Variants in MAP3K14 observed in about 807,000 individuals in gnomAD.
MAP3K14 encodes mitogen-activated protein kinase kinase kinase 14, also known as NF-kappa-beta-inducing kinase.
Under a neutral mutation model 99.2 loss-of-function variants are expected in MAP3K14, and 16 were observed. The observed-to-expected ratio is 0.16, with a 90% CI of 0.11 to 0.24. The LOEUF is 0.24. Ranked by LOEUF, MAP3K14 falls within the 10% of genes least tolerant of loss-of-function variation. The pLI is 1.00. For missense variants in MAP3K14, 784 were observed against 1,208.7 expected (o/e 0.65, Z 5.21); for synonymous variants, 462 against 492.4 (o/e 0.94, Z 0.82).
intron 3 of MAP3K14, among the ~76,000 whole-genome samples, chr17:45,288,635 G>T (rs1464477235): frequency 6.6e-6 from 1 of 152,108 alleles, no homozygotes; most frequent in Non-Finnish European, 1.5e-5. Context: ...CTCGGCCTCA[G>T]AAAGTGCTGG....
chr17:45,267,172 G>A lies in MAP3K14; in HGVS notation c.2353C>T (p.Pro785Ser). The change falls in exon 13 of 16, where the codon CCA becomes TCA. Residue 785 changes from proline to serine, a missense_variant. Transcript: ENST00000344686. This position sits in a 1 kb window ranked among gnomAD's most constrained non-coding sequence, Gnocchi z 5.1. ...TGCTCCTGCTCCTCCAGAGAAAATG[G>A]CTGGGACAGGCTGTTGAGGAATAAT... is the stretch of plus-strand genomic sequence containing the variant. ...IELFLNSLSQPFSLEEQEQIL... is the reference protein window; with the variant it reads ...IELFLNSLSQSFSLEEQEQIL... 6.3e-7 allele frequency: 1 copy of A among 1,598,620 alleles called. No homozygotes were observed. Among genetic ancestry groups the A allele is most frequent in the Non-Finnish European group, 8.5e-7 (1 of 1,172,476 alleles).
intron 1 of MAP3K14, among the ~76,000 whole-genome samples, chr17:45,299,097 A>G (rs1236339529): frequency 5.3e-5 from 8 of 152,214 alleles, no homozygotes; most frequent in Non-Finnish European, 8.8e-5. Flanking sequence ...GTCCCAGGAG[A>G]GGAGGCTGCA....
Position 45,274,522 on chromosome 17 carries a change from A to C in MAP3K14, c.1362T>G (p.Pro454=). The stretch of plus-strand genomic sequence containing the variant: ...GCCCTTCTCTCACAGCTCCATACAA[A>C]GGGACAATTCTGGGTGAGGTCAATC... ...CAGLTSPRIV[P]LYGAVREGPW... is the part of the protein sequence containing the mutation. Residue 454 remains proline (P), a synonymous_variant, in exon 7 of 16, where the codon CCT becomes CCG. Coordinates refer to ENST00000344686, the MANE Select transcript of MAP3K14 (RefSeq NM_003954.5). The C allele has an allele frequency of 6.2e-7, 1 of 1,614,002 alleles. No homozygotes were observed. Among genetic ancestry groups the C allele is most frequent in the Non-Finnish European group, 8.5e-7 (1 of 1,179,890 alleles).
chr17:45,308,669 ATCT>A (rs1490537540), intron 1 of MAP3K14, among the ~76,000 whole-genome samples: 59 of 150,472 alleles, frequency 3.9e-4, no homozygotes, highest in African/African-American at 1.2e-3. Context: ...TGCCCAGCTA[ATCT>A]TTTTTTTTTT....
At chr17:45,269,404 T>G (rs2044124827) in intron 11 of MAP3K14, among the ~76,000 whole-genome samples, 1 of 152,172 alleles carries the variant, frequency 6.6e-6, no homozygotes, top group South Asian at 2.1e-4. Flanking sequence ...TATTTTATCT[T>G]TAACCCCATT....
intron 15 of MAP3K14, 21 bp from the exon 16 acceptor site, chr17:45,264,821 T>A (rs1333788599): frequency 6.2e-7 from 1 of 1,610,134 alleles, no homozygotes; most frequent in Admixed American, 1.7e-5. Flanking sequence ...AGCAAACCAG[T>A]GGGCTGAGAT....
chr17:45,277,742 G>A (rs1459855079), intron 6 of MAP3K14, among the ~76,000 whole-genome samples: 1 of 152,196 alleles, frequency 6.6e-6, no homozygotes, highest in Non-Finnish European at 1.5e-5. Flanking sequence ...AGTATCTGCA[G>A]GACACCGCGT....
intron 14 of MAP3K14, among the ~76,000 whole-genome samples, chr17:45,265,979 C>A (rs1029739936): frequency 1.3e-5 from 2 of 152,232 alleles, no homozygotes; most frequent in Admixed American, 6.5e-5. Flanking sequence ...GTTGAAGTGG[C>A]CTTTGGCCAG....
chr17:45,301,623 A>G (rs1469251028), intron 1 of MAP3K14, among the ~76,000 whole-genome samples: 3 of 152,212 alleles, frequency 2.0e-5, no homozygotes, highest in African/African-American at 2.4e-5. Flanking sequence ...ATATTAAATT[A>G]GTAGAAAGAG....
chr17:45,266,599 C>T lies in MAP3K14; in HGVS notation c.2516G>A (p.Ser839Asn). Reference sequence around the variant, plus strand: ...GGCCAGCACCATGTTCCAGCTGGAGCTTCGAGCCTCGGCCTGGCTGCTCCA... The same window carrying T: ...GGCCAGCACCATGTTCCAGCTGGAGTTTCGAGCCTCGGCCTGGCTGCTCCA... ...HSWSSQAEAR[S>N]SSWNMVLARG... The change falls in exon 14 of 16, where the codon AGC becomes AAC. Residue 839 changes from serine to asparagine, a missense_variant. By Grantham distance (46) the Ser-to-Asn change is conservative. Transcript: ENST00000344686. 1 of 1,613,790 alleles carries T rather than the reference C, an allele frequency of 6.2e-7. No individual in the cohort carries two copies. The highest frequency in any genetic ancestry group is 1.1e-5 in the South Asian group (1 of 91,076).
intron 1 of MAP3K14, among the ~76,000 whole-genome samples, chr17:45,314,221 C>A (rs2044509364): frequency 6.6e-6 from 1 of 152,236 alleles, no homozygotes; most frequent in Admixed American, 6.5e-5. Flanking sequence ...TGCTCCCCTA[C>A]AATTTGCCCT....
In MAP3K14 at chr17:45,271,018, G is replaced by A. The variant is rs1009624584; in HGVS notation, c.1821+40C>T. Reference sequence around the variant, plus strand: ...CCTGCAGCCTGGGCCCCAGGGCCCTGCAGCTCCCCCTGTTGGCCATGCTGG... The same window carrying A: ...CCTGCAGCCTGGGCCCCAGGGCCCTACAGCTCCCCCTGTTGGCCATGCTGG... On this transcript the variant is annotated intron_variant, in intron 10 of 15. Coordinates refer to ENST00000344686, the MANE Select transcript of MAP3K14 (RefSeq NM_003954.5). 3.8e-6 allele frequency: 6 copies of A among 1,597,074 alleles called. No individual in the cohort carries two copies. The African/African-American group carries it at 6.7e-5, about 18-fold the overall frequency.
At chr17:45,285,458 TCTACCAAAAAACA>T (rs1299199748) in intron 5 of MAP3K14, among the ~76,000 whole-genome samples, 3 of 151,812 alleles carry the variant, frequency 2.0e-5, no homozygotes, top group Admixed American at 1.3e-4. Context: ...AAACCCTGTC[TCTACCAAAAAACA>T]CAAAATTAGC....
rs148936001 is a variant in MAP3K14, at chr17:45,312,879, C to T, written c.-21+4081G>A. Among the ~76,000 whole-genome samples the T allele has an allele frequency of 4.5e-3, 680 of 152,338 alleles. 1 individual carries two copies. The highest frequency in any genetic ancestry group is 0.01 in the Middle Eastern group (3 of 294). ...CATCCCACAGAACCAAATGTTCCCT[C>T]CTGTTCCCCCAAAGAACAAGTCCTT... is the stretch of plus-strand genomic sequence containing the variant. On this transcript the variant is annotated intron_variant, in intron 1 of 15. Transcript: ENST00000344686.
At chr17:45,289,993 A>C (rs2044297782) in intron 2 of MAP3K14, among the ~76,000 whole-genome samples, 1 of 152,182 alleles carries the variant, frequency 6.6e-6, no homozygotes, top group Admixed American at 6.5e-5. Flanking sequence ...AGAAGAAAGG[A>C]CCAGACTAGG....
intron 6 of MAP3K14, among the ~76,000 whole-genome samples, chr17:45,277,906 T>C (rs1480451700): frequency 1.3e-5 from 2 of 152,230 alleles, no homozygotes; most frequent in African/African-American, 4.8e-5. Context: ...GGTGGTGTCC[T>C]ATCTGATTTC....
At chr17:45,313,702 C>G (rs2143886773) in intron 1 of MAP3K14, among the ~76,000 whole-genome samples, 1 of 152,272 alleles carries the variant, frequency 6.6e-6, no homozygotes, top group Non-Finnish European at 1.5e-5. Context: ...ATCTTTTGGC[C>G]TTTTATTAAT....
chr17:45,269,027 T>G (rs1048114470), intron 11 of MAP3K14, among the ~76,000 whole-genome samples: 5 of 152,126 alleles, frequency 3.3e-5, no homozygotes, highest in Middle Eastern at 3.2e-3. Flanking sequence ...CTTTATTTAT[T>G]TATTTATTTT....
Position 45,264,657 on chromosome 17 carries a change from G to A in MAP3K14, c.2823C>T (p.Gly941=). The change falls in exon 16 of 16, where the codon GGC becomes GGT. Residue 941 remains glycine (G), a synonymous_variant. Coordinates refer to ENST00000344686, the MANE Select transcript of MAP3K14 (RefSeq NM_003954.5). ...AGGGTTAGGGCCTGTTCTCCAGCTGGCCATGCTTGACCCTCCAGCTCCAGG... is the reference window on the plus strand; with the variant it reads ...AGGGTTAGGGCCTGTTCTCCAGCTGACCATGCTTGACCCTCCAGCTCCAGG... ...SFAWSWRVKH[G]QLENRP is the part of the protein sequence containing the mutation. The A allele has an allele frequency of 3.8e-6, 6 of 1,588,536 alleles. No individual in the cohort carries two copies. The highest frequency in any genetic ancestry group is 5.1e-6 in the Non-Finnish European group (6 of 1,168,072).
Sources: gnomAD v4.1 joint callset for allele counts (sites outside exome capture counted in the v4.1 genomes callset) on GRCh38, gnomAD v4.1.1 for gene constraint, Gnocchi (gnomAD v3.1) non-coding constraint, MANE v1.5 for transcripts, NCBI Gene and HGNC (gene_info 2026-07-23, HGNC 2026-07-21) for gene names.